TNNI3K: variants seen among roughly 807,000 people sequenced by gnomAD.
TNNI3K encodes the protein serine/threonine-protein kinase TNNI3K.
In TNNI3K, 140 loss-of-function variants were observed where a neutral mutation model predicts 114.5. The ratio of observed to expected loss-of-function variants is 1.22; its 90% CI spans 1.07 to 1.41. TNNI3K has a LOEUF of 1.41. Ranked by LOEUF, TNNI3K falls within the 40% of genes most tolerant of loss-of-function variation. The probability of loss-of-function intolerance (pLI) is 0.00; values close to 1 mark genes in which losing one functional copy is unlikely to be tolerated. For missense variants in TNNI3K, 1,125 were observed against 1,007.6 expected (o/e 1.12, Z -1.58); for synonymous variants, 347 against 347.5 (o/e 1.00, Z 0.02).
intron 2 of TNNI3K, among the ~76,000 whole-genome samples, chr1:74,246,059 C>G (rs1273750912): frequency 6.6e-6 from 1 of 152,180 alleles, no homozygotes; most frequent in Non-Finnish European, 1.5e-5. Context: ...CAATTTCCCT[C>G]AGCTCAAAAA....
chr1:74,283,475 A>T (rs927413336), intron 5 of TNNI3K, among the ~76,000 whole-genome samples: 3 of 152,110 alleles, frequency 2.0e-5, no homozygotes, highest in African/African-American at 4.8e-5. Flanking sequence ...TTTGGCATAG[A>T]CTCTGTTAGC....
At chr1:74,316,004 G>T (rs1659284703) in intron 5 of TNNI3K, among the ~76,000 whole-genome samples, 1 of 152,126 alleles carries the variant, frequency 6.6e-6, no homozygotes, top group South Asian at 2.1e-4. Context: ...ATCTGCTAAA[G>T]AAATCAAAAT....
At chr1:74,274,596 G>GA (rs200610240) in intron 5 of TNNI3K, among the ~76,000 whole-genome samples, 1,678 of 152,034 alleles carry the variant, frequency 0.011, 13 homozygotes, top group Non-Finnish European at 0.015. Context: ...TAAATATGCA[G>GA]AAAAAATATA....
intron 21 of TNNI3K, among the ~76,000 whole-genome samples, chr1:74,479,354 T>A (rs1236139888): frequency 6.6e-6 from 1 of 152,252 alleles, no homozygotes; most frequent in African/African-American, 2.4e-5. Context: ...GATGCATAGT[T>A]TCATAAATTT....
chr1:74,280,572 C>G (rs1037237950), intron 5 of TNNI3K, among the ~76,000 whole-genome samples: 4 of 151,946 alleles, frequency 2.6e-5, no homozygotes, highest in Non-Finnish European at 5.9e-5. Context: ...TCAATGATGG[C>G]CTATCATAGT....
At position 74,235,489 on chromosome 1, in the gene TNNI3K, C is replaced by G; in HGVS notation, c.38C>G (p.Thr13Ser). 6.9e-7 allele frequency: 1 copy of G among 1,439,312 alleles called. No individual in the cohort carries two copies. 89.2% of individuals were successfully genotyped at this position (1,439,312 alleles called of 1,614,324 possible). A position where few individuals can be genotyped will look rare whatever the true frequency, so the allele number is the denominator to read the frequency against. The change falls in exon 1 of 25, where the codon ACT becomes AGT. Residue 13 changes from threonine to serine, a missense_variant and splice_region_variant. Transcript: ENST00000326637. ...NYKSRPTQTC[T>S]DEWKKKVSES... ...AAATCTAGACCAACCCAAACTTGTA[C>G]TGGTAATTATTCTAATTATTCTTAT...
chr1:74,506,330 G>A (rs999625228), intron 23 of TNNI3K, among the ~76,000 whole-genome samples: 1 of 152,150 alleles, frequency 6.6e-6, no homozygotes. Context: ...TTCTACAAAT[G>A]AGAAACTGAA....
At chr1:74,327,116 G>A (rs1659952423) in intron 5 of TNNI3K, among the ~76,000 whole-genome samples, 1 of 150,684 alleles carries the variant, frequency 6.6e-6, no homozygotes, top group Non-Finnish European at 1.5e-5. Context: ...AAAGCAGAAT[G>A]TGCAAATCGT....
chr1:74,493,781 A>G lies in TNNI3K; in HGVS notation c.2351+1515A>G, dbSNP rs1446121462. 2.6e-5 allele frequency among the ~76,000 whole-genome samples: 4 copies of G among 152,204 alleles called. No individual in the cohort carries two copies. In the East Asian group the frequency reaches 5.8e-4, roughly 22 times the overall value. Reference sequence around the variant, plus strand: ...TCTCACAGACAAAGGCTAGTAACTCAAGAGGACAAGCCCAAATTTACATGC... The same window carrying G: ...TCTCACAGACAAAGGCTAGTAACTCGAGAGGACAAGCCCAAATTTACATGC... On this transcript the variant is annotated intron_variant, in intron 23 of 24. Transcript: ENST00000326637.
intron 23 of TNNI3K, among the ~76,000 whole-genome samples, chr1:74,538,058 G>A (rs1646680960): frequency 6.6e-6 from 1 of 152,146 alleles, no homozygotes; most frequent in South Asian, 2.1e-4. Context: ...GCACTAAAAT[G>A]CTCATTCTTA....
At chr1:74,448,130 G>A (rs1666788094) in intron 20 of TNNI3K, among the ~76,000 whole-genome samples, 1 of 101,702 alleles carries the variant, frequency 9.8e-6, no homozygotes, top group Non-Finnish European at 1.9e-5. Flanking sequence ...GGAGGGGGGA[G>A]GGATAGCATT....
At chr1:74,304,513 G>C (rs928701655) in intron 5 of TNNI3K, among the ~76,000 whole-genome samples, 1 of 152,270 alleles carries the variant, frequency 6.6e-6, no homozygotes, top group African/African-American at 2.4e-5. Context: ...CACAATCATG[G>C]CTCACCGTAA....
chr1:74,482,223 T>C (rs2100262980), intron 21 of TNNI3K, among the ~76,000 whole-genome samples: 1 of 152,330 alleles, frequency 6.6e-6, no homozygotes, highest in Non-Finnish European at 1.5e-5. Context: ...CAATTACTTC[T>C]TGTCTAGGTC....
chr1:74,374,154 T>G (rs768201114), intron 17 of TNNI3K: 7 of 151,866 alleles, frequency 4.6e-5, no homozygotes, highest in Non-Finnish European at 7.4e-5. Flanking sequence ...ACACAATCTT[T>G]AAAAAAATTT....
chr1:74,467,943 G>A (rs57000377), intron 21 of TNNI3K, among the ~76,000 whole-genome samples: 2,923 of 152,234 alleles, frequency 0.019, 78 homozygotes, highest in African/African-American at 0.067. Flanking sequence ...AGACAATGAA[G>A]TTGGAGCAGC....
chr1:74,367,477 A>AGCCCTG, intron 12 of TNNI3K, 135 bp downstream of exon 12: 1 of 912,812 alleles, frequency 1.1e-6, no homozygotes, highest in Non-Finnish European at 1.6e-6. Context: ...ATTTATTTTA[A>AGCCCTG]GTAACCTTAT....
intron 9 of TNNI3K, among the ~76,000 whole-genome samples, chr1:74,344,528 CCT>C (rs1660900317): frequency 6.6e-6 from 1 of 152,142 alleles, no homozygotes; most frequent in Non-Finnish European, 1.5e-5. Flanking sequence ...TTAGATCATA[CCT>C]TCAGTCAAAT....
intron 5 of TNNI3K, among the ~76,000 whole-genome samples, chr1:74,296,698 A>G (rs1337894404): frequency 6.6e-6 from 1 of 152,138 alleles, no homozygotes; most frequent in Non-Finnish European, 1.5e-5. Flanking sequence ...TTTAGTGGTT[A>G]CTGAATTCCG....
intron 21 of TNNI3K, among the ~76,000 whole-genome samples, chr1:74,464,384 G>T (rs1052704894): frequency 1.3e-5 from 2 of 152,120 alleles, no homozygotes; most frequent in Admixed American, 6.5e-5. Flanking sequence ...GTATTAGTTT[G>T]CATTCTTCAC....
Sources: allele counts gnomAD v4.1 joint callset (sites outside exome capture counted in the v4.1 genomes callset), GRCh38; gene constraint gnomAD v4.1.1; transcripts MANE v1.5; gene names NCBI Gene and HGNC (gene_info 2026-07-23, HGNC 2026-07-21).